MACROD2: variants seen among roughly 807,000 people sequenced by gnomAD.
The protein encoded by MACROD2 is ADP-ribose glycohydrolase MACROD2.
In MACROD2, 36 loss-of-function variants were observed where a neutral mutation model predicts 70.4. That is an observed-to-expected ratio of 0.51 (90% CI 0.39 to 0.68). The LOEUF (loss-of-function observed/expected upper bound fraction) is 0.68, where lower values mean the gene tolerates loss of function less well. Among genes scored for constraint, MACROD2 ranks in the 30% least tolerant of loss-of-function variants. The probability of loss-of-function intolerance (pLI) is 0.00; values close to 1 mark genes in which losing one functional copy is unlikely to be tolerated. For missense variants in MACROD2, 496 were observed against 538.4 expected, an observed-to-expected ratio of 0.92 and a Z score of 0.78; for synonymous variants, 172 against 178.8, an observed-to-expected ratio of 0.96 and a Z score of 0.30.
Position 14,084,081 on chromosome 20 carries a change from AC to A in MACROD2, c.164-1539del, listed in dbSNP as rs61659796. On this transcript the variant is annotated intron_variant, in intron 2 of 17. Transcript: ENST00000684519. ...CGTCTCAAAAAAAAACAAAAAACAA[AC>A]AAAAAAAAACCTTCCGGGAGAGAAG... is the stretch of plus-strand genomic sequence containing the variant. Among the ~76,000 whole-genome samples the A allele has an allele frequency of 2.0e-4, 29 of 144,978 alleles. 11 individuals carry two copies. The highest frequency in any genetic ancestry group is 3.5e-4 in the Non-Finnish European group (23 of 65,848).
chr20:15,242,790 A>T (rs1461909236), intron 6 of MACROD2, among the ~76,000 whole-genome samples: 1 of 152,166 alleles, frequency 6.6e-6, no homozygotes, highest in East Asian at 1.9e-4. Context: ...TACAGGTTTT[A>T]TTATTTCACA....
At chr20:15,512,526 T>A (rs1028407196) in intron 8 of MACROD2, among the ~76,000 whole-genome samples, 2 of 152,228 alleles carry the variant, frequency 1.3e-5, no homozygotes, top group African/African-American at 2.4e-5. Flanking sequence ...ATCTCATGGA[T>A]CTTATGTAAT....
rs746215797 is a variant in MACROD2, at chr20:14,115,542, T to A, written c.271+29814T>A. Among the ~76,000 whole-genome samples, 11 of 152,218 alleles carry A rather than the reference T, an allele frequency of 7.2e-5. 1 individual carries two copies. In the South Asian group the frequency reaches 1.2e-3, roughly 17 times the overall value. On this transcript the variant is annotated intron_variant, in intron 3 of 17. Transcript: ENST00000684519. Reference sequence around the variant, plus strand: ...TTAGGTTAGGCTTTCTTGTTTTTCCTTTGTTTAACTTTTGTTTCTTCAAAT... The same window carrying A: ...TTAGGTTAGGCTTTCTTGTTTTTCCATTGTTTAACTTTTGTTTCTTCAAAT...
intron 5 of MACROD2, among the ~76,000 whole-genome samples, chr20:14,696,847 G>A (rs1257025889): frequency 2.0e-5 from 3 of 152,072 alleles, no homozygotes; most frequent in Non-Finnish European, 4.4e-5. Context: ...TGATATTATG[G>A]CATGTGATGA....
chr20:15,739,847 G>A (rs2051078063), intron 8 of MACROD2, among the ~76,000 whole-genome samples: 1 of 152,208 alleles, frequency 6.6e-6, no homozygotes, highest in Non-Finnish European at 1.5e-5. Context: ...GAAATGCTAA[G>A]TCATCCACTG....
At chr20:15,918,268 C>T (rs568471760) in intron 10 of MACROD2, among the ~76,000 whole-genome samples, 1 of 152,082 alleles carries the variant, frequency 6.6e-6, no homozygotes, top group Non-Finnish European at 1.5e-5. Context: ...AATGTTTCTT[C>T]CTGAAATTAT....
At chr20:15,676,085 A>C (rs1481001658) in intron 8 of MACROD2, among the ~76,000 whole-genome samples, 2 of 152,210 alleles carry the variant, frequency 1.3e-5, no homozygotes, top group Non-Finnish European at 2.9e-5. Flanking sequence ...GTACTCACTC[A>C]TGAGCTTGTG....
chr20:15,807,653 G>T (rs2147081600), intron 8 of MACROD2, among the ~76,000 whole-genome samples: 1 of 152,204 alleles, frequency 6.6e-6, no homozygotes, highest in South Asian at 2.1e-4. Context: ...TTGATTGTAA[G>T]TTGAAATGAT....
At chr20:15,588,518 A>G (rs1421443457) in intron 8 of MACROD2, among the ~76,000 whole-genome samples, 3 of 152,184 alleles carry the variant, frequency 2.0e-5, no homozygotes, top group Non-Finnish European at 1.5e-5. Flanking sequence ...TCAGGCTGCA[A>G]ATTTTCCAAA....
chr20:14,033,350 A>C (rs1278758796), intron 2 of MACROD2, among the ~76,000 whole-genome samples: 4 of 151,894 alleles, frequency 2.6e-5, no homozygotes, highest in African/African-American at 9.7e-5. Context: ...GTTTCTTTAT[A>C]TATTTTGATA....
In MACROD2 at chr20:15,333,258, C is replaced by T. The variant is rs147166794; in HGVS notation, c.541-98147C>T. Among the ~76,000 whole-genome samples, 70 of 151,652 alleles carry T rather than the reference C, an allele frequency of 4.6e-4. 1 individual carries two copies. Among genetic ancestry groups the T allele is most frequent in the Non-Finnish European group, 8.2e-4 (56 of 67,994 alleles). On this transcript the variant is annotated intron_variant, in intron 6 of 17. Transcript: ENST00000684519. The stretch of plus-strand genomic sequence containing the variant: ...ACCCAGCAATTTGTTTTGGTAAACT[C>T]TCCAGGTGATTCTGATGCATACTTA...
intron 5 of MACROD2, among the ~76,000 whole-genome samples, chr20:15,110,982 C>T (rs1257421268): frequency 6.6e-6 from 1 of 152,162 alleles, no homozygotes; most frequent in Non-Finnish European, 1.5e-5. Context: ...ATTTAATCCT[C>T]ACAATTATTC....
At chr20:14,988,426 G>C (rs1445517022) in intron 5 of MACROD2, among the ~76,000 whole-genome samples, 1 of 151,644 alleles carries the variant, frequency 6.6e-6, no homozygotes, top group Non-Finnish European at 1.5e-5. Flanking sequence ...TGTGTTTATG[G>C]GGAACAGTAG....
At chr20:15,784,845 T>G (rs2051893900) in intron 8 of MACROD2, among the ~76,000 whole-genome samples, 1 of 152,074 alleles carries the variant, frequency 6.6e-6, no homozygotes, top group Non-Finnish European at 1.5e-5. Context: ...ACTTATTATT[T>G]TCTATTAAAA....
chr20:14,126,887 T>C (rs2054658142), intron 3 of MACROD2, among the ~76,000 whole-genome samples: 1 of 152,172 alleles, frequency 6.6e-6, no homozygotes, highest in South Asian at 2.1e-4. Context: ...TCTTTCCCTG[T>C]CCTCAGGGCT....
chr20:16,041,498 G>A (rs559146280), intron 16 of MACROD2, among the ~76,000 whole-genome samples: 1 of 151,952 alleles, frequency 6.6e-6, no homozygotes, highest in Admixed American at 6.6e-5. Context: ...CATATGTCCT[G>A]GTTTAATCAT....
intron 8 of MACROD2, among the ~76,000 whole-genome samples, chr20:15,724,216 G>A (rs1466239856): frequency 2.6e-5 from 4 of 152,072 alleles, no homozygotes; most frequent in South Asian, 2.1e-4. Flanking sequence ...CTCCCAGTCT[G>A]CATCTTATCT....
At chr20:14,452,512 A>T (rs1047044814) in intron 3 of MACROD2, among the ~76,000 whole-genome samples, 2 of 152,124 alleles carry the variant, frequency 1.3e-5, no homozygotes, top group South Asian at 4.1e-4. Context: ...ATGTGACACC[A>T]GTAACAGTCT....
intron 5 of MACROD2, among the ~76,000 whole-genome samples, chr20:14,913,803 A>G (rs1419703373): frequency 1.3e-5 from 2 of 152,088 alleles, no homozygotes; most frequent in Non-Finnish European, 1.5e-5. Flanking sequence ...ATGTTTCTTC[A>G]TATTTATTTT....
Sources: allele counts gnomAD v4.1 joint callset (sites outside exome capture counted in the v4.1 genomes callset), GRCh38; gene constraint gnomAD v4.1.1; transcripts MANE v1.5; gene names NCBI Gene and HGNC (gene_info 2026-07-23, HGNC 2026-07-21).